The following CCDC13 variants were observed in gnomAD, a reference collection of about 807,000 sequenced individuals.
The protein encoded by CCDC13 is coiled-coil domain containing 13, also known as coiled-coil domain-containing protein 13.
A neutral mutation model predicts 87.3 loss-of-function variants in CCDC13; 70 were observed. The ratio of observed to expected loss-of-function variants is 0.80; its 90% confidence interval spans 0.66 to 0.98. The LOEUF (loss-of-function observed/expected upper bound fraction) is 0.98. CCDC13 is among the 50% of genes least tolerant of loss of function. The pLI, the probability that CCDC13 is intolerant of heterozygous loss-of-function variation, is 0.00. For missense variants in CCDC13, 842 were observed against 892.0 expected, an observed-to-expected ratio of 0.94 and a Z score of 0.71; for synonymous variants, 317 against 360.3, an observed-to-expected ratio of 0.88 and a Z score of 1.36.
intron 8 of CCDC13, chr3:42,741,007 G>C (rs564615369): frequency 6.6e-6 from 1 of 152,332 alleles, no homozygotes; most frequent in African/African-American, 2.4e-5. Context: ...GGGAATGCAT[G>C]CAGGAAGCTG....
At position 42,733,713 on chromosome 3, in the gene CCDC13, A is replaced by G. The variant is rs2125884219; in HGVS notation, c.1372-104T>C. On this transcript the variant is annotated intron_variant, in intron 10 of 15. Transcript: ENST00000310232. The stretch of plus-strand genomic sequence containing the variant: ...ATTTCGGGGCTTTCAGAGGATATGA[A>G]AGAGGCTTCTTTTCAGGAGTGAAAA... The G allele has an allele frequency of 2.8e-6, 4 of 1,410,920 alleles. No individual in the cohort carries two copies. The East Asian group carries it at 1.0e-4, about 36-fold the overall frequency. 87.4% of individuals were successfully genotyped at this position (1,410,920 alleles called of 1,614,324 possible).
intron 8 of CCDC13, among the ~76,000 whole-genome samples, chr3:42,740,558 A>G (rs557823375): frequency 6.6e-6 from 1 of 152,364 alleles, no homozygotes; most frequent in East Asian, 1.9e-4. Flanking sequence ...GAGACAGATA[A>G]TGTCAAATAG....
In CCDC13 at chr3:42,747,238, A is replaced by C; in HGVS notation, c.720+19T>G. On this transcript the variant is annotated intron_variant, in intron 6 of 15. Coordinates refer to ENST00000310232, the MANE Select transcript of CCDC13 (RefSeq NM_144719.4). ...AGCCCCAGCCACACAAGAAGCCCCAAGCCCTGGCTCTGAAAGACCTTCTGT... is the reference window on the plus strand; with the variant it reads ...AGCCCCAGCCACACAAGAAGCCCCACGCCCTGGCTCTGAAAGACCTTCTGT... The C allele has an allele frequency of 6.3e-7, 1 of 1,593,826 alleles. No individual in the cohort carries two copies. Among genetic ancestry groups the C allele is most frequent in the Non-Finnish European group, 8.6e-7 (1 of 1,161,612 alleles).
Position 42,708,700 on chromosome 3 carries a change from C to T in CCDC13, c.*280G>A. The stretch of plus-strand genomic sequence containing the variant: ...ATCTGTCCATTCACAGCCGCCTTGC[C>T]ATCCCAGAGCTCTCGCCTCTGCCAG... On this transcript the variant is annotated 3_prime_UTR_variant, in exon 16 of 16. Coordinates refer to ENST00000310232, the MANE Select transcript of CCDC13 (RefSeq NM_144719.4). 1 of 347,826 alleles carries T rather than the reference C, an allele frequency of 2.9e-6. No homozygotes were observed. The highest frequency in any genetic ancestry group is 5.6e-5 in the East Asian group (1 of 17,866). The allele number at this position is 347,826 out of a possible 1,614,324, so 21.5% of individuals were successfully genotyped here. A position where few individuals can be genotyped will look rare whatever the true frequency, so the allele number is the denominator to read the frequency against.
At position 42,737,960 on chromosome 3, in the gene CCDC13, G is replaced by T. The variant is rs368253807; in HGVS notation, c.1164+1674C>A. Among the ~76,000 whole-genome samples the T allele has an allele frequency of 2.6e-5, 4 of 152,268 alleles. No homozygotes were observed. The South Asian group carries it at 8.3e-4, about 32-fold the overall frequency. ...TTGGCTTTTGCTGCCATTGCTTTTG[G>T]TGTTTTAGTCATGAAGTCCTTGCCC... On this transcript the variant is annotated intron_variant, in intron 9 of 15. Coordinates refer to ENST00000310232, the MANE Select transcript of CCDC13 (RefSeq NM_144719.4).
intron 1 of CCDC13, among the ~76,000 whole-genome samples, chr3:42,765,758 G>A (rs187387208): frequency 1.3e-5 from 2 of 152,190 alleles, no homozygotes; most frequent in African/African-American, 4.8e-5. Context: ...GTGCCTGAGT[G>A]GGGGGCAACG....
chr3:42,753,272 T>C (rs930455321), intron 3 of CCDC13, among the ~76,000 whole-genome samples: 5 of 152,208 alleles, frequency 3.3e-5, no homozygotes, highest in South Asian at 2.1e-4. Flanking sequence ...AGAGACATGT[T>C]GAACAAAGTG....
At position 42,709,676 on chromosome 3, in the gene CCDC13, G is replaced by A. The variant is rs1207550783; in HGVS notation, c.1988+8C>T. ...CTACCCTTTCAGGAAGGCGGGGCAG[G>A]GGAGCACCTGGTTGTCAGCTCTTCC... On this transcript the variant is annotated splice_region_variant and intron_variant, in intron 15 of 15. Coordinates refer to ENST00000310232, the MANE Select transcript of CCDC13 (RefSeq NM_144719.4). 1 of 1,610,362 alleles carries A rather than the reference G, an allele frequency of 6.2e-7. No individual in the cohort carries two copies. The highest frequency in any genetic ancestry group is 8.5e-7 in the Non-Finnish European group (1 of 1,176,648).
chr3:42,752,966 T>G (rs1044983654), intron 3 of CCDC13, among the ~76,000 whole-genome samples: 2 of 152,234 alleles, frequency 1.3e-5, no homozygotes, highest in Non-Finnish European at 2.9e-5. Flanking sequence ...AGCAGAGTTT[T>G]AATTCTGTGA....
At position 42,733,577 on chromosome 3, in the gene CCDC13, G is replaced by A. The variant is rs1698901494; in HGVS notation, c.1404C>T (p.Ser468=). The A allele has an allele frequency of 6.2e-7, 1 of 1,612,714 alleles. No individual in the cohort carries two copies. The highest frequency in any genetic ancestry group is 1.7e-5 in the Admixed American group (1 of 59,664). ...AGGCAGGGCTGACCTCGCGGCCACTGGACCCCTCACCCACTCCTTTATTCC... is the reference window on the plus strand; with the variant it reads ...AGGCAGGGCTGACCTCGCGGCCACTAGACCCCTCACCCACTCCTTTATTCC... ...YLRNKGVGEG[S]SGREVSPAYT... The change falls in exon 11 of 16, where the codon TCC becomes TCT. Residue 468 remains serine, a synonymous_variant. Transcript: ENST00000310232.
intron 5 of CCDC13, among the ~76,000 whole-genome samples, chr3:42,748,736 G>T (rs1030008796): frequency 2.6e-5 from 4 of 152,108 alleles, no homozygotes; most frequent in Admixed American, 2.6e-4. Flanking sequence ...TTCCTGCTCC[G>T]CTTCCTCAGA....
chr3:42,752,741 T>C, intron 3 of CCDC13, 24 bp from the exon 4 acceptor site: 1 of 1,612,812 alleles, frequency 6.2e-7, no homozygotes, highest in Non-Finnish European at 8.5e-7. Context: ...AATGGTGAGG[T>C]CAATTAAAAA....
intron 13 of CCDC13, among the ~76,000 whole-genome samples, chr3:42,713,569 T>C (rs1392141580): frequency 6.6e-6 from 1 of 152,254 alleles, no homozygotes; most frequent in Admixed American, 6.5e-5. Flanking sequence ...CAATCACTTA[T>C]AACACTTCTA....
At chr3:42,747,988 G>A (rs1559654890) in intron 5 of CCDC13, among the ~76,000 whole-genome samples, 2 of 152,138 alleles carry the variant, frequency 1.3e-5, no homozygotes, top group Non-Finnish European at 2.9e-5. Context: ...TAGAAATAAG[G>A]ACCCATTTTA....
intron 5 of CCDC13, among the ~76,000 whole-genome samples, chr3:42,748,799 C>T (rs1177286859): frequency 2.6e-5 from 4 of 152,270 alleles, no homozygotes; most frequent in Admixed American, 6.5e-5. Flanking sequence ...TGTGCCAACT[C>T]GGAACTTATA....
At chr3:42,737,196 G>A (rs1195507454) in intron 9 of CCDC13, among the ~76,000 whole-genome samples, 3 of 152,074 alleles carry the variant, frequency 2.0e-5, no homozygotes, top group Admixed American at 6.5e-5. Context: ...AGTTTGCTGA[G>A]AATGATGGTT....
intron 13 of CCDC13, chr3:42,714,069 C>T (rs1224224614): frequency 6.6e-6 from 1 of 152,246 alleles, no homozygotes; most frequent in East Asian, 1.9e-4. Context: ...CTAGGAGCCA[C>T]CTTGCCCCCT....
At chr3:42,710,103 T>C (rs1698273777) in intron 14 of CCDC13, among the ~76,000 whole-genome samples, 1 of 147,180 alleles carries the variant, frequency 6.8e-6, no homozygotes, top group African/African-American at 2.6e-5. Flanking sequence ...ATTTGTTTTC[T>C]TTTTTTTTTC....
Position 42,747,244 on chromosome 3 carries a change from G to A in CCDC13, c.720+13C>T, listed in dbSNP as rs1326168053. The A allele has an allele frequency of 1.9e-6, 3 of 1,603,132 alleles. No individual in the cohort carries two copies. Among genetic ancestry groups the A allele is most frequent in the Non-Finnish European group, 2.6e-6 (3 of 1,170,134 alleles). ...AGCCACACAAGAAGCCCCAAGCCCT[G>A]GCTCTGAAAGACCTTCTGTGCCATC... On this transcript the variant is annotated intron_variant, in intron 6 of 15. Coordinates refer to ENST00000310232, the MANE Select transcript of CCDC13 (RefSeq NM_144719.4).
Sources: gnomAD v4.1 joint callset for allele counts (sites outside exome capture counted in the v4.1 genomes callset) on GRCh38, gnomAD v4.1.1 for gene constraint, MANE v1.5 for transcripts, NCBI Gene and HGNC (gene_info 2026-07-23, HGNC 2026-07-21) for gene names.